Variants in TRAF2 observed in about 807,000 individuals in gnomAD.
The protein encoded by TRAF2 is TNF receptor associated factor 2.
TRAF2 carries 6 observed loss-of-function variants against 55.6 expected under a neutral mutation model. The observed-to-expected ratio is 0.11, with a 90% CI of 0.06 to 0.21. The LOEUF (loss-of-function observed/expected upper bound fraction) is 0.21. Among genes scored for constraint, TRAF2 ranks in the 10% least tolerant of loss-of-function variants. The pLI, the probability that TRAF2 is intolerant of heterozygous loss-of-function variation, is 1.00. For missense variants in TRAF2, 561 were observed against 684.5 expected, an observed-to-expected ratio of 0.82 and a Z score of 2.01; for synonymous variants, 329 against 276.3, an observed-to-expected ratio of 1.19 and a Z score of -1.89.
chr9:136,899,869 A>G (rs1034967518), intron 3 of TRAF2, among the ~76,000 whole-genome samples, 197 bp downstream of exon 3: 14 of 151,960 alleles, frequency 9.2e-5, no homozygotes, highest in African/African-American at 3.4e-4. Context: ...TACAAAAAGC[A>G]AAAAACTTAC....
chr9:136,897,868 C>G (rs971603819), intron 1 of TRAF2, among the ~76,000 whole-genome samples: 1 of 136,016 alleles, frequency 7.4e-6, no homozygotes, highest in Non-Finnish European at 1.6e-5. Context: ...CTCAGGTGTG[C>G]TACGTTCCCG....
chr9:136,909,096 ATT>A, intron 5 of TRAF2, among the ~76,000 whole-genome samples: 1 of 152,210 alleles, frequency 6.6e-6, no homozygotes, highest in South Asian at 2.1e-4. Flanking sequence ...ACAAAAAAGC[ATT>A]TTTGTCTTAG....
intron 1 of TRAF2, chr9:136,898,435 C>A: frequency 4.1e-6 from 1 of 245,204 alleles, no homozygotes; most frequent in Non-Finnish European, 6.5e-6. Context: ...GAAGCCCGTG[C>A]GTCTGTGTCT....
chr9:136,922,716 C>A (rs1243917521), intron 9 of TRAF2, among the ~76,000 whole-genome samples: 2 of 90,120 alleles, frequency 2.2e-5, no homozygotes, highest in Non-Finnish European at 4.2e-5. Context: ...GGCCTGGGCA[C>A]GTGGTGGAGG....
intron 7 of TRAF2, among the ~76,000 whole-genome samples, chr9:136,918,227 T>TATATATA (rs1850286424): frequency 1.9e-4 from 13 of 68,080 alleles, no homozygotes; most frequent in African/African-American, 9.5e-4. Flanking sequence ...AGTGTTTTGT[T>TATATATA]TATATATATA....
chr9:136,888,647 T>C (rs1436946774), intron 1 of TRAF2, among the ~76,000 whole-genome samples: 1 of 152,172 alleles, frequency 6.6e-6, no homozygotes, highest in Non-Finnish European at 1.5e-5. Flanking sequence ...CCATATCTGA[T>C]TTGATGTCAT....
intron 6 of TRAF2, among the ~76,000 whole-genome samples, chr9:136,914,652 G>T (rs1005463464): frequency 6.6e-6 from 1 of 152,174 alleles, no homozygotes; most frequent in Non-Finnish European, 1.5e-5. Flanking sequence ...ACAGAAAGTC[G>T]TGGTTCCTGT....
At chr9:136,893,154 C>G (rs1213269738) in intron 1 of TRAF2, among the ~76,000 whole-genome samples, 5 of 152,194 alleles carry the variant, frequency 3.3e-5, no homozygotes, top group African/African-American at 1.2e-4. Flanking sequence ...CTGCCGCCCA[C>G]AGGAGCAGGT....
chr9:136,913,425 G>A (rs1291098470), intron 6 of TRAF2, among the ~76,000 whole-genome samples: 1 of 145,050 alleles, frequency 6.9e-6, no homozygotes, highest in African/African-American at 2.6e-5. Context: ...AGCGTCCCTA[G>A]TAGCTGGGAT....
chr9:136,910,067 G>T, intron 6 of TRAF2, 73 bp downstream of exon 6: 1 of 1,488,352 alleles, frequency 6.7e-7, no homozygotes, highest in East Asian at 2.4e-5. Context: ...CCCGTGGGTG[G>T]GGGTGGGGCA....
At chr9:136,889,288 T>C (rs1279556555) in intron 1 of TRAF2, among the ~76,000 whole-genome samples, 4 of 151,624 alleles carry the variant, frequency 2.6e-5, no homozygotes, top group Non-Finnish European at 5.9e-5. Flanking sequence ...CTGGCCTTTT[T>C]TTTTCTTTTT....
intron 9 of TRAF2, among the ~76,000 whole-genome samples, 182 bp from the exon 10 acceptor site, chr9:136,923,670 A>G (rs1393734218): frequency 2.0e-5 from 3 of 150,806 alleles, no homozygotes; most frequent in Non-Finnish European, 3.0e-5. Context: ...TTTGTAATGA[A>G]ATTTGTTTTC....
At chr9:136,886,611 G>A in intron 1 of TRAF2, 70 bp downstream of exon 1, 1 of 974,670 alleles carries the variant, frequency 1.0e-6, no homozygotes, top group Non-Finnish European at 1.2e-6. Context: ...TCGGGCGCGG[G>A]GTCGGGCGCA....
chr9:136,917,433 C>T (rs527625482), intron 7 of TRAF2, among the ~76,000 whole-genome samples: 5 of 152,334 alleles, frequency 3.3e-5, no homozygotes, highest in African/African-American at 9.6e-5. Flanking sequence ...CAGACTCTGC[C>T]CCTCTGTCGC....
chr9:136,893,236 C>T (rs1242350658), intron 1 of TRAF2, among the ~76,000 whole-genome samples: 1 of 152,164 alleles, frequency 6.6e-6, no homozygotes, highest in Non-Finnish European at 1.5e-5. Context: ...ACTGGGCAGG[C>T]AGAGCCCCAG....
chr9:136,882,552 C>T, upstream of TRAF2: 1 of 492,008 alleles, frequency 2.0e-6, no homozygotes, highest in Non-Finnish European at 2.6e-6. Flanking sequence ...CCTGCAACCC[C>T]CATCCTCAGG....
At chr9:136,916,885 G>A (rs1398321870) in intron 7 of TRAF2, among the ~76,000 whole-genome samples, 2 of 152,120 alleles carry the variant, frequency 1.3e-5, no homozygotes, top group African/African-American at 4.8e-5. Context: ...GTCGCCTTGA[G>A]CCTCCCTGGG....
intron 1 of TRAF2, among the ~76,000 whole-genome samples, chr9:136,890,700 T>A (rs1849564156): frequency 6.6e-6 from 1 of 152,230 alleles, no homozygotes; most frequent in Non-Finnish European, 1.5e-5. Flanking sequence ...AATAAAATGT[T>A]TAAGGAATCT....
At chr9:136,890,909 G>A (rs370511681) in intron 1 of TRAF2, among the ~76,000 whole-genome samples, 1 of 152,154 alleles carries the variant, frequency 6.6e-6, no homozygotes, top group Non-Finnish European at 1.5e-5. Flanking sequence ...GTCTGCCGGT[G>A]GTGGAGGACG....
Sources: gnomAD v4.1 joint callset for allele counts (sites outside exome capture counted in the v4.1 genomes callset) on GRCh38, gnomAD v4.1.1 for gene constraint, MANE v1.5 for transcripts, NCBI Gene and HGNC (gene_info 2026-07-23, HGNC 2026-07-21) for gene names.